CPED1: variants seen among roughly 807,000 people sequenced by gnomAD.
CPED1 encodes the protein cadherin like and PC-esterase domain containing 1, also known as cadherin-like and PC-esterase domain-containing protein 1.
CPED1 carries 114 observed loss-of-function variants against 128.2 expected under a neutral mutation model. The ratio of observed to expected loss-of-function variants is 0.89; its 90% CI spans 0.76 to 1.04. The LOEUF (loss-of-function observed/expected upper bound fraction) is 1.04. Ranked by LOEUF, CPED1 falls within the 50% of genes least tolerant of loss-of-function variation. The pLI is 0.00. For missense variants in CPED1, 1,211 were observed against 1,207.1 expected (o/e 1.00, Z -0.05); for synonymous variants, 462 against 426.7 (o/e 1.08, Z -1.02).
chr7:121,239,500 G>A (rs1158764143), intron 17 of CPED1, among the ~76,000 whole-genome samples: 2 of 151,690 alleles, frequency 1.3e-5, no homozygotes, highest in African/African-American at 4.8e-5. Context: ...TTAACTTTAA[G>A]GAAAATATTT....
intron 3 of CPED1, among the ~76,000 whole-genome samples, chr7:121,031,321 G>GT (rs1792725488): frequency 6.6e-6 from 1 of 151,562 alleles, no homozygotes; most frequent in South Asian, 2.1e-4. Context: ...TTCTTTTTTT[G>GT]TTTTTTTCGA....
chr7:120,997,917 G>A (rs1169041783), intron 2 of CPED1, among the ~76,000 whole-genome samples: 3 of 134,676 alleles, frequency 2.2e-5, no homozygotes, highest in Non-Finnish European at 4.7e-5. Flanking sequence ...AGCAAAACTC[G>A]GTCTCGAAAA....
intron 16 of CPED1, among the ~76,000 whole-genome samples, chr7:121,211,605 G>A (rs1459293567): frequency 4.0e-5 from 1 of 25,068 alleles, no homozygotes; most frequent in East Asian, 1.4e-3. Context: ...AACTATCACA[G>A]GGCTGTGGAT....
chr7:121,147,432 T>C (rs572684587), intron 16 of CPED1, among the ~76,000 whole-genome samples: 165 of 152,274 alleles, frequency 1.1e-3, no homozygotes, highest in African/African-American at 3.8e-3. Flanking sequence ...GTATAATGTT[T>C]TGCTGTTAGG....
intron 3 of CPED1, among the ~76,000 whole-genome samples, chr7:121,046,045 A>G (rs944444221): frequency 6.6e-6 from 1 of 151,966 alleles, no homozygotes; most frequent in African/African-American, 2.4e-5. Context: ...GTAGATATAG[A>G]TATATAGATA....
chr7:121,027,807 G>A (rs1022876493), intron 3 of CPED1, among the ~76,000 whole-genome samples: 1 of 151,128 alleles, frequency 6.6e-6, no homozygotes, highest in Non-Finnish European at 1.5e-5. Context: ...CGAAGGAAAA[G>A]TAGGAAAGTC....
chr7:121,217,286 G>T (rs1797779792), intron 16 of CPED1, among the ~76,000 whole-genome samples: 3 of 151,848 alleles, frequency 2.0e-5, no homozygotes, highest in South Asian at 4.2e-4. Flanking sequence ...TGTTTTAAGG[G>T]TCAAGCAGTC....
intron 18 of CPED1, among the ~76,000 whole-genome samples, chr7:121,250,754 C>T (rs1305427672): frequency 6.6e-6 from 1 of 152,062 alleles, no homozygotes; most frequent in African/African-American, 2.4e-5. Flanking sequence ...TACACCCTCC[C>T]AAGACTAAAC....
At chr7:121,213,332 A>C (rs1347871750) in intron 16 of CPED1, among the ~76,000 whole-genome samples, 1 of 152,062 alleles carries the variant, frequency 6.6e-6, no homozygotes, top group Admixed American at 6.6e-5. Flanking sequence ...CATCTATTGA[A>C]TAAGAATGAT....
At chr7:121,203,382 T>C (rs1210477162) in intron 16 of CPED1, among the ~76,000 whole-genome samples, 1 of 152,118 alleles carries the variant, frequency 6.6e-6, no homozygotes, top group African/African-American at 2.4e-5. Flanking sequence ...TCAGCAAACA[T>C]ACAAATCACC....
chr7:121,257,200 G>A (rs1317515), intron 18 of CPED1, among the ~76,000 whole-genome samples: 8 of 151,646 alleles, frequency 5.3e-5, no homozygotes, highest in South Asian at 2.1e-4. Context: ...GCACACATAC[G>A]CCATATCTGC....
chr7:121,195,606 C>A (rs1797254426), intron 16 of CPED1, among the ~76,000 whole-genome samples: 1 of 152,142 alleles, frequency 6.6e-6, no homozygotes, highest in South Asian at 2.1e-4. Flanking sequence ...TTACTAAATT[C>A]ACCTCAAGGA....
chr7:121,122,139 A>ATT (rs34817474), intron 7 of CPED1, among the ~76,000 whole-genome samples: 68,333 of 127,212 alleles, frequency 0.54, 19,797 homozygotes, highest in East Asian at 0.83. Context: ...ACTCATCTGG[A>ATT]TTTTTTTTTT....
intron 5 of CPED1, among the ~76,000 whole-genome samples, chr7:121,084,057 A>G (rs1409470393): frequency 6.6e-6 from 1 of 152,190 alleles, no homozygotes; most frequent in African/African-American, 2.4e-5. Context: ...AAGACTCACT[A>G]ACCTGGAGAT....
Position 121,127,169 on chromosome 7 carries a change from A to T in CPED1, c.1214A>T (p.Asp405Val). Residue 405 changes from aspartate to valine, a missense_variant, in exon 10 of 23, where the codon GAC becomes GTC. Asp to Val is a radical substitution (Grantham distance 152). Transcript: ENST00000310396. ...AATACAGAAGAATTCCTTTTAAATG[A>T]CACTTTCAATTTTCTCTTCCCTAAT... ...DQNTEEFLLN[D>V]TFNFLFPNES... The T allele has an allele frequency of 6.3e-7, 1 of 1,594,204 alleles. No homozygotes were observed. Among genetic ancestry groups the T allele is most frequent in the Non-Finnish European group, 8.6e-7 (1 of 1,163,944 alleles).
rs148572524 is a variant in CPED1 at position 120,994,657 on chromosome 7, G to GTGTGTGTTGT, written c.249+4790_249+4791insGTGTTGTTGT. The stretch of plus-strand genomic sequence containing the variant: ...TGTGTGTGTGTGTGTGTGTGTGTGT[G>GTGTGTGTTGT]TGTTGTTGTTGTTGTTACTGATGGA... On this transcript the variant is annotated intron_variant, in intron 2 of 22. Transcript: ENST00000310396. Among the ~76,000 whole-genome samples the GTGTGTGTTGT allele has an allele frequency of 3.9e-3, 589 of 149,272 alleles. 4 individuals carry two copies. Among genetic ancestry groups the GTGTGTGTTGT allele is most frequent in the African/African-American group, 0.014 (553 of 40,244 alleles).
At chr7:121,050,891 A>G in intron 4 of CPED1, 1 of 480,740 alleles carries the variant, frequency 2.1e-6, no homozygotes, top group Non-Finnish European at 4.2e-6. Context: ...CCTGGCACGC[A>G]CCCTCCTCGT....
chr7:121,021,236 T>C (rs1792433237), intron 3 of CPED1, among the ~76,000 whole-genome samples: 1 of 151,950 alleles, frequency 6.6e-6, no homozygotes, highest in Non-Finnish European at 1.5e-5. Flanking sequence ...GATCACTACT[T>C]AATGTTGTGG....
chr7:121,127,736 A>G (rs890533583), intron 10 of CPED1, among the ~76,000 whole-genome samples: 1 of 151,878 alleles, frequency 6.6e-6, no homozygotes, highest in Non-Finnish European at 1.5e-5. Flanking sequence ...GGGTTTCATC[A>G]TGTTGGCCAG....
Sources: gnomAD v4.1 joint callset for allele counts (sites outside exome capture counted in the v4.1 genomes callset) on GRCh38, gnomAD v4.1.1 for gene constraint, MANE v1.5 for transcripts, NCBI Gene and HGNC (gene_info 2026-07-23, HGNC 2026-07-21) for gene names.